The following OGG1 variants were observed in gnomAD, a reference collection of about 807,000 sequenced individuals.
OGG1 encodes the protein 8-oxoguanine DNA glycosylase, also known as N-glycosylase/DNA lyase.
In OGG1, 35 loss-of-function variants were observed where a neutral mutation model predicts 42.3. The ratio of observed to expected loss-of-function variants is 0.83; its 90% confidence interval spans 0.63 to 1.10. OGG1 has a LOEUF of 1.10. Among genes scored for constraint, OGG1 ranks in the 50% least tolerant of loss-of-function variants. The probability of loss-of-function intolerance (pLI) is 0.00; values close to 1 mark genes in which losing one functional copy is unlikely to be tolerated. For missense variants in OGG1, 484 were observed against 446.7 expected, an observed-to-expected ratio of 1.08 and a Z score of -0.75; for synonymous variants, 189 against 179.0, an observed-to-expected ratio of 1.06 and a Z score of -0.44.
exon 8 of OGG1, chr3:9,765,841 G>A (rs1442415037): frequency 1.2e-6 from 2 of 1,614,000 alleles, no homozygotes; most frequent in Non-Finnish European, 1.7e-6. Context: ...ATGGCCACCA[G>A]CTTCTGCGTC....
chr3:9,790,590 G>A (rs544571305), downstream of OGG1, among the ~76,000 whole-genome samples: 4 of 152,210 alleles, frequency 2.6e-5, no homozygotes, highest in African/African-American at 9.6e-5. Context: ...ATACAGCATA[G>A]CGCCTGGCAC....
downstream of OGG1, chr3:9,757,552 G>A (rs1575213144): frequency 1.2e-6 from 2 of 1,613,736 alleles, no homozygotes; most frequent in East Asian, 4.5e-5. The surrounding 1 kb of genome is among the most constrained non-coding windows in gnomAD (Gnocchi z 4.5). Context: ...GAGCTGGTGG[G>A]GCAGTGTGGG....
intron 2 of OGG1, among the ~76,000 whole-genome samples, chr3:9,777,318 C>T (rs913823713): frequency 6.6e-6 from 1 of 152,096 alleles, no homozygotes; most frequent in Non-Finnish European, 1.5e-5. Context: ...ACTAATCCGC[C>T]CTCCTCATGA....
At chr3:9,758,271 A>G (rs2077680342), downstream of OGG1, 1 of 159,388 alleles carries the variant, frequency 6.3e-6, no homozygotes, top group East Asian at 1.9e-4. Flanking sequence ...TCTATTCAAT[A>G]TCTCCACCTA....
downstream of OGG1, chr3:9,758,083 A>G (rs2077672462): frequency 1.9e-6 from 1 of 517,176 alleles, no homozygotes; most frequent in Non-Finnish European, 3.2e-6. Context: ...AAACATAACT[A>G]TAATTCATAT....
intron 3 of OGG1, chr3:9,784,041 G>C: frequency 6.2e-6 from 10 of 1,613,934 alleles, no homozygotes; most frequent in Non-Finnish European, 8.5e-6. Flanking sequence ...AGCAGGTCGT[G>C]CTTCTTGGTG....
intron 3 of OGG1, chr3:9,787,114 G>A (rs1258943361): frequency 1.2e-6 from 2 of 1,614,190 alleles, no homozygotes; most frequent in South Asian, 2.2e-5. Context: ...CCACATCTAA[G>A]CGGGCACAGG....
chr3:9,757,653 A>AG (rs1384964812), downstream of OGG1: 1 of 1,614,056 alleles, frequency 6.2e-7, no homozygotes, highest in South Asian at 1.1e-5. The surrounding 1 kb of genome is among the most constrained non-coding windows in gnomAD (Gnocchi z 4.5). Context: ...AGGTGGCCGC[A>AG]GGGGCAGGCC....
At chr3:9,752,147 C>G (rs2077331192) in intron 3 of OGG1, 198 bp downstream of exon 3, 1 of 611,394 alleles carries the variant, frequency 1.6e-6, no homozygotes, top group Non-Finnish European at 2.9e-6. Context: ...CTGGTCTGTG[C>G]TTTTTGCCCA....
chr3:9,785,282 C>T, intron 3 of OGG1: 1 of 1,544,094 alleles, frequency 6.5e-7, no homozygotes, highest in Non-Finnish European at 8.9e-7. Context: ...GAAGCGGGGG[C>T]CAGACTGTGG....
downstream of OGG1, among the ~76,000 whole-genome samples, chr3:9,769,661 C>G (rs978204682): frequency 2.0e-5 from 3 of 152,326 alleles, no homozygotes; most frequent in Admixed American, 2.0e-4. Flanking sequence ...CGCCTGGCAC[C>G]TGCTGGGCCT....
rs567143416 is a variant in OGG1 at position 9,765,695 on chromosome 3, G to A, written c.1049-114G>A. ...TAAATGATTTGTCCAAAGCAGGAAA[G>A]GAGGAGGATGGGAGGGCCAAGGCAG... is the stretch of plus-strand genomic sequence containing the variant. On this transcript the variant is annotated intron_variant, in intron 7 of 7. Coordinates refer to the OGG1 transcript ENST00000302008. 532 of 1,564,002 alleles carry A rather than the reference G, an allele frequency of 3.4e-4. 1 individual carries two copies. In the African/African-American group the frequency reaches 6.4e-3, roughly 19 times the overall value.
intron 3 of OGG1, among the ~76,000 whole-genome samples, chr3:9,785,640 G>A (rs2078589776): frequency 6.6e-6 from 1 of 152,200 alleles, no homozygotes; most frequent in Admixed American, 6.5e-5. Flanking sequence ...AAGGAACACA[G>A]AAGAGAAATG....
At chr3:9,784,322 G>A in intron 3 of OGG1, 1 of 1,401,986 alleles carries the variant, frequency 7.1e-7, no homozygotes. Context: ...TTTCCCTTTG[G>A]GCACCCCCTC....
chr3:9,782,662 A>C (rs961492197), intron 3 of OGG1, among the ~76,000 whole-genome samples: 1 of 152,152 alleles, frequency 6.6e-6, no homozygotes, highest in East Asian at 1.9e-4. Context: ...ATGGTAGTGC[A>C]TGCCTGTAAT....
Position 9,750,925 on chromosome 3 carries a change from G to A in OGG1, c.138-20G>A. The A allele has an allele frequency of 6.2e-7, 1 of 1,613,750 alleles. No homozygotes were observed. Among genetic ancestry groups the A allele is most frequent in the Non-Finnish European group, 8.5e-7 (1 of 1,179,940 alleles). ...AGAAAGGAAATTGAGTGCCAGGGTT[G>A]TCATGTGCCTTGGGCTCAGGTGGAG... On this transcript the variant is annotated intron_variant, in intron 1 of 6. Transcript: ENST00000344629.
chr3:9,778,135 T>C (rs1280206970), intron 2 of OGG1, among the ~76,000 whole-genome samples: 1 of 152,212 alleles, frequency 6.6e-6, no homozygotes, highest in Non-Finnish European at 1.5e-5. Flanking sequence ...CCCCATAATA[T>C]TAGGTAGTTG....
intron 7 of OGG1, chr3:9,762,867 G>T (rs970310861): frequency 3.3e-5 from 52 of 1,595,338 alleles, no homozygotes; most frequent in Middle Eastern, 1.8e-4. Context: ...GTTTGCAAAG[G>T]CCCCACCCCT....
intron 7 of OGG1, chr3:9,763,344 G>C (rs1575244189): frequency 2.0e-6 from 2 of 980,256 alleles, no homozygotes; most frequent in South Asian, 3.0e-5. Context: ...AGTCTGTTAT[G>C]ATTGCACCTG....
Sources: allele counts gnomAD v4.1 joint callset (sites outside exome capture counted in the v4.1 genomes callset), GRCh38; gene constraint gnomAD v4.1.1; non-coding constraint Gnocchi (gnomAD v3.1); transcripts MANE v1.5; gene names NCBI Gene and HGNC (gene_info 2026-07-23, HGNC 2026-07-21).